Variants in PCSK5 observed in about 807,000 individuals in gnomAD.
The protein encoded by PCSK5 is proprotein convertase subtilisin/kexin type 5.
PCSK5 carries 129 observed loss-of-function variants against 233.2 expected under a neutral mutation model. That is an observed-to-expected ratio of 0.55 (90% CI 0.48 to 0.64). PCSK5 has a LOEUF of 0.64. PCSK5 is among the 30% of genes least tolerant of loss of function. The pLI is 0.00. For synonymous variants in PCSK5, 825 were observed against 879.2 expected (o/e 0.94, Z 1.09); for missense variants, 2,076 against 2,430.1 (o/e 0.85, Z 3.06).
At position 76,159,136 on chromosome 9, in the gene PCSK5, G is replaced by T; in HGVS notation, c.1584G>T (p.Ser528=). The T allele has an allele frequency of 6.2e-7, 1 of 1,614,070 alleles. No homozygotes were observed. The change falls in exon 12 of 38, where the codon TCG becomes TCT. Residue 528 remains serine, a synonymous_variant. Coordinates refer to ENST00000674117, the MANE Select transcript of PCSK5 (RefSeq NM_001372043.1). The stretch of plus-strand genomic sequence containing the variant: ...GAGACCTGGCCATCTACCTGACCTC[G>T]CCCTCTGGAACTAGGTCTCAGCTTT... ...RRGDLAIYLT[S]PSGTRSQLLA...
intron 24 of PCSK5, among the ~76,000 whole-genome samples, chr9:76,254,311 T>C (rs1311337005): frequency 6.6e-6 from 1 of 152,194 alleles, no homozygotes; most frequent in Non-Finnish European, 1.5e-5. Context: ...TATTCTGAGC[T>C]TTCACATTGT....
chr9:76,259,179 G>A (rs1050967108), intron 24 of PCSK5, among the ~76,000 whole-genome samples: 4 of 152,086 alleles, frequency 2.6e-5, no homozygotes, highest in African/African-American at 9.7e-5. Context: ...TTTCAAAAGA[G>A]CCTTATTAAC....
chr9:75,933,419 G>A (rs1185682502), intron 2 of PCSK5, among the ~76,000 whole-genome samples: 2 of 152,064 alleles, frequency 1.3e-5, no homozygotes, highest in Non-Finnish European at 2.9e-5. Flanking sequence ...ATTTGGGTTT[G>A]CCTTAAGAAC....
At chr9:76,233,355 A>G in intron 21 of PCSK5, 105 bp from the exon 22 acceptor site, 1 of 1,137,308 alleles carries the variant, frequency 8.8e-7, no homozygotes, top group African/African-American at 1.5e-5. Flanking sequence ...TTCTGGAACA[A>G]TGAAGTCAAA....
intron 5 of PCSK5, among the ~76,000 whole-genome samples, chr9:76,048,710 T>C (rs912654893): frequency 3.9e-5 from 6 of 152,136 alleles, no homozygotes; most frequent in Non-Finnish European, 7.4e-5. Context: ...CAAATGAAAT[T>C]AAATGTGAGA....
chr9:75,929,174 C>A (rs1823660949), intron 1 of PCSK5, among the ~76,000 whole-genome samples: 1 of 152,118 alleles, frequency 6.6e-6, no homozygotes, highest in Non-Finnish European at 1.5e-5. Flanking sequence ...ACCTCATGAT[C>A]CCCCTACCTC....
At chr9:76,088,592 T>C (rs988787592) in intron 7 of PCSK5, among the ~76,000 whole-genome samples, 3 of 152,234 alleles carry the variant, frequency 2.0e-5, no homozygotes, top group African/African-American at 7.2e-5. Context: ...AGGGGATGGA[T>C]GATCTTATTC....
At chr9:76,089,371 G>C (rs780619796) in intron 7 of PCSK5, among the ~76,000 whole-genome samples, 1 of 152,138 alleles carries the variant, frequency 6.6e-6, no homozygotes, top group African/African-American at 2.4e-5. Context: ...TCTTCAAGTC[G>C]ACATATACAG....
intron 9 of PCSK5, among the ~76,000 whole-genome samples, chr9:76,120,077 TC>T (rs1832575152): frequency 6.6e-6 from 1 of 152,096 alleles, no homozygotes; most frequent in African/African-American, 2.4e-5. Flanking sequence ...TTATTTTTCA[TC>T]ATTAAAGTTG....
At chr9:76,076,259 G>T (rs987992104) in intron 7 of PCSK5, among the ~76,000 whole-genome samples, 7 of 152,186 alleles carry the variant, frequency 4.6e-5, no homozygotes, top group Non-Finnish European at 8.8e-5. Flanking sequence ...CAAGGGAGAT[G>T]TGTTGGAGGG....
At chr9:76,217,019 T>C (rs1193990511) in intron 20 of PCSK5, among the ~76,000 whole-genome samples, 4 of 152,012 alleles carry the variant, frequency 2.6e-5, no homozygotes, top group Non-Finnish European at 5.9e-5. Flanking sequence ...TTTTTGTATT[T>C]AGTAGAGATG....
intron 2 of PCSK5, among the ~76,000 whole-genome samples, chr9:75,934,208 GCCT>G (rs1207752736): frequency 6.6e-6 from 1 of 152,022 alleles, no homozygotes. Context: ...GCACTCCCCT[GCCT>G]CCTCAATAAA....
Position 76,310,689 on chromosome 9 carries a change from C to T in PCSK5, c.3722C>T (p.Ser1241Phe), listed in dbSNP as rs747861967. The change falls in exon 30 of 38, where the codon TCC (serine) becomes TTC (phenylalanine). Residue 1241 changes from serine to phenylalanine, a missense_variant. Coordinates refer to ENST00000674117, the MANE Select transcript of PCSK5 (RefSeq NM_001372043.1). ...AYLLAQACVS[S>F]CPQGTWPSVR... is the part of the protein sequence containing the mutation. ...CTTCTGGCTCAGGCCTGTGTTTCCTCCTGTCCCCAAGGCACATGGCCTTCC... is the reference window on the plus strand; with the variant it reads ...CTTCTGGCTCAGGCCTGTGTTTCCTTCTGTCCCCAAGGCACATGGCCTTCC... 43 of 1,603,354 alleles carry T rather than the reference C, an allele frequency of 2.7e-5. No homozygotes were observed. Among genetic ancestry groups the T allele is most frequent in the Non-Finnish European group, 3.3e-5 (39 of 1,176,824 alleles).
chr9:76,233,476 C>G lies in PCSK5; in HGVS notation c.2746C>G (p.Arg916Gly). Residue 916 changes from arginine to glycine, a missense_variant, in exon 22 of 38, where the codon CGC (arginine) becomes GGC (glycine). Coordinates refer to ENST00000674117, the MANE Select transcript of PCSK5 (RefSeq NM_001372043.1). ...TTCCTCTAGGATTTTTGATGATGGC[C>G]GCTGTGTTTCGAACTGCCCCTCATG... The part of the protein sequence containing the change: ...CPMTRIFDDG[R>G]CVSNCPSWKF... 1.2e-6 allele frequency: 2 copies of G among 1,612,656 alleles called. No homozygotes were observed. Among genetic ancestry groups the G allele is most frequent in the Non-Finnish European group, 1.7e-6 (2 of 1,179,802 alleles).
At chr9:76,356,797 C>T (rs1830314048) in intron 37 of PCSK5, among the ~76,000 whole-genome samples, 1 of 152,124 alleles carries the variant, frequency 6.6e-6, no homozygotes, top group Non-Finnish European at 1.5e-5. Flanking sequence ...AAAAGCATTG[C>T]ACCTTGGCAG....
chr9:76,290,682 A>G (rs771620171), intron 24 of PCSK5, among the ~76,000 whole-genome samples: 1 of 152,264 alleles, frequency 6.6e-6, no homozygotes, highest in Non-Finnish European at 1.5e-5. Context: ...TGACCAAGTC[A>G]TGAGCTAATA....
At chr9:75,944,861 G>A (rs947085002) in intron 2 of PCSK5, among the ~76,000 whole-genome samples, 8 of 152,084 alleles carry the variant, frequency 5.3e-5, no homozygotes, top group African/African-American at 1.7e-4. Context: ...TGTAATCCCA[G>A]CACATTGGGA....
intron 14 of PCSK5, among the ~76,000 whole-genome samples, chr9:76,178,674 A>T (rs1189845745): frequency 2.0e-5 from 3 of 152,224 alleles, no homozygotes; most frequent in African/African-American, 7.2e-5. Context: ...ACTACCCTTG[A>T]CTTACTATTT....
At chr9:76,179,457 C>A in intron 14 of PCSK5, 139 bp from the exon 15 acceptor site, 1 of 580,762 alleles carries the variant, frequency 1.7e-6, no homozygotes, top group Non-Finnish European at 3.0e-6. Flanking sequence ...CCTAAAGCCA[C>A]ATTGACAATT....
Sources: allele counts gnomAD v4.1 joint callset (sites outside exome capture counted in the v4.1 genomes callset), GRCh38; gene constraint gnomAD v4.1.1; transcripts MANE v1.5; gene names NCBI Gene and HGNC (gene_info 2026-07-23, HGNC 2026-07-21).